Variants in HEATR9 observed in about 807,000 individuals in gnomAD.
HEATR9 encodes the protein protein HEATR9.
In HEATR9, 54 loss-of-function variants were observed where a neutral mutation model predicts 68.2. The ratio of observed to expected loss-of-function variants is 0.79; its 90% CI spans 0.64 to 0.99. The LOEUF (loss-of-function observed/expected upper bound fraction) is 0.99. HEATR9 is among the 50% of genes least tolerant of loss of function. The pLI is 0.00. For missense variants in HEATR9, 662 were observed against 679.7 expected (o/e 0.97, Z 0.29); for synonymous variants, 241 against 253.5 (o/e 0.95, Z 0.47).
At chr17:35,858,833 C>A in intron 9 of HEATR9, 55 bp downstream of exon 9, 1 of 1,583,354 alleles carries the variant, frequency 6.3e-7, no homozygotes, top group South Asian at 1.1e-5. Flanking sequence ...AGACCACACA[C>A]AATTCAGCAG....
chr17:35,862,753 G>A (rs567866310), intron 8 of HEATR9, among the ~76,000 whole-genome samples: 1 of 152,302 alleles, frequency 6.6e-6, no homozygotes, highest in South Asian at 2.1e-4. Flanking sequence ...GGAACCATCT[G>A]TACTGTCTCC....
intron 8 of HEATR9, chr17:35,861,017 G>C: frequency 1.5e-6 from 1 of 658,484 alleles, no homozygotes; most frequent in Non-Finnish European, 2.8e-6. Flanking sequence ...CTGCACTCCA[G>C]CTTGGGTGAC....
Position 35,858,303 on chromosome 17 carries a change from G to T in HEATR9, c.1049C>A (p.Thr350Asn). The change falls in exon 11 of 15, where the codon ACC becomes AAC. Residue 350 changes from threonine (T) to asparagine (N), a missense_variant. By Grantham distance (65) the Thr-to-Asn change is moderately conservative. Transcript: ENST00000604834. ...SSVLEDRFEA[T>N]QMLKTIGLEQ... ...CAGCCCAATGGTCTTGAGCATTTGG[G>T]TGGCTTCAAAGCGGTCCTGAGGTCG... The T allele has an allele frequency of 6.2e-7, 1 of 1,614,192 alleles. No homozygotes were observed. The highest frequency in any genetic ancestry group is 1.7e-5 in the Admixed American group (1 of 60,032).
chr17:35,856,058 T>TA, intron 13 of HEATR9, 115 bp downstream of exon 13: 2 of 1,202,860 alleles, frequency 1.7e-6, no homozygotes, highest in Non-Finnish European at 2.4e-6. Context: ...AATTCTAAAA[T>TA]AAACAACTTC....
chr17:35,862,694 T>C (rs1369689675), intron 8 of HEATR9, among the ~76,000 whole-genome samples: 1 of 152,194 alleles, frequency 6.6e-6, no homozygotes, highest in Non-Finnish European at 1.5e-5. Context: ...GTGTGTTGTT[T>C]TTGCACCATT....
At position 35,864,880 on chromosome 17, in the gene HEATR9, C is replaced by T. The variant is rs758888346; in HGVS notation, c.331G>A (p.Glu111Lys). ...ATTTTGATGTGGGTTTGATGTACCT[C>T]TTTGATGTACCTGTGTGAGAAATTG... Reference protein sequence around the residue: ...KMRDDCRYIKEVHQTHIKMFH... With the variant: ...KMRDDCRYIKKVHQTHIKMFH... Residue 111 changes from glutamate (E) to lysine (K), a missense_variant, in exon 4 of 15, where the codon GAG becomes AAG. Coordinates refer to ENST00000604834, the MANE Select transcript of HEATR9 (RefSeq NM_152781.4). 1 of 1,614,228 alleles carries T rather than the reference C, an allele frequency of 6.2e-7. No individual in the cohort carries two copies. Among genetic ancestry groups the T allele is most frequent in the African/African-American group, 1.3e-5 (1 of 75,050 alleles).
chr17:35,856,591 A>G, intron 12 of HEATR9, 141 bp downstream of exon 12: 1 of 796,504 alleles, frequency 1.3e-6, no homozygotes, highest in East Asian at 2.7e-5. Context: ...GGGCATGGGC[A>G]AGGGAGAACT....
intron 3 of HEATR9, 78 bp from the exon 4 acceptor site, chr17:35,864,968 G>C: frequency 2.6e-6 from 4 of 1,568,250 alleles, no homozygotes; most frequent in Middle Eastern, 1.7e-4. Flanking sequence ...TTCTGCCACA[G>C]GGCTACAGCC....
intron 1 of HEATR9, among the ~76,000 whole-genome samples, chr17:35,867,800 C>T (rs923304256): frequency 6.6e-6 from 1 of 152,092 alleles, no homozygotes; most frequent in African/African-American, 2.4e-5. Flanking sequence ...TTTATTGAGA[C>T]AGAGTCTTGC....
At position 35,858,456 on chromosome 17, in the gene HEATR9, G is replaced by C; in HGVS notation, c.1009C>G (p.Leu337Val). The C allele has an allele frequency of 6.2e-7, 1 of 1,614,188 alleles. No individual in the cohort carries two copies. The highest frequency in any genetic ancestry group is 8.5e-7 in the Non-Finnish European group (1 of 1,180,020). ...ACCTCAAGGACACTGGAAGAACACA[G>C]CTGGTCTAGGATGGCCTTGATGACT... ...APVIKAILDQ[L>V]CSSSVLEDRF... is the part of the protein sequence containing the mutation. Residue 337 changes from leucine to valine, a missense_variant, in exon 10 of 15, where the codon CTG (leucine) becomes GTG (valine). By Grantham distance (32) the Leu-to-Val change is conservative. Coordinates refer to ENST00000604834, the MANE Select transcript of HEATR9 (RefSeq NM_152781.4).
chr17:35,857,202 G>A (rs1598574908), intron 11 of HEATR9, among the ~76,000 whole-genome samples: 1 of 152,282 alleles, frequency 6.6e-6, no homozygotes, highest in East Asian at 1.9e-4. Flanking sequence ...GTTCAACTCA[G>A]AGAGGTGACC....
intron 8 of HEATR9, 102 bp downstream of exon 8, chr17:35,862,893 A>G: frequency 6.6e-7 from 1 of 1,518,366 alleles, no homozygotes; most frequent in Admixed American, 1.7e-5. Flanking sequence ...TTCCTCTATC[A>G]AAGCTGTGCT....
intron 3 of HEATR9, 130 bp downstream of exon 3, chr17:35,865,085 C>G: frequency 7.7e-7 from 1 of 1,305,212 alleles, no homozygotes. Flanking sequence ...CCAAGCCGAG[C>G]CGCCCTAAGC....
chr17:35,855,634 G>T (rs772518922), intron 14 of HEATR9, 30 bp downstream of exon 14: 1 of 1,596,570 alleles, frequency 6.3e-7, no homozygotes, highest in South Asian at 1.1e-5. Context: ...CTAGAGAAGA[G>T]GAAGAAGTGG....
At chr17:35,866,906 G>A (rs573001728) in intron 1 of HEATR9, 133 bp from the exon 2 acceptor site, 14 of 804,198 alleles carry the variant, frequency 1.7e-5, no homozygotes, top group Middle Eastern at 2.6e-4. Flanking sequence ...TCAGGAGTTC[G>A]AGACCAGCCT....
chr17:35,856,264 G>T, intron 12 of HEATR9, 40 bp from the exon 13 acceptor site: 1 of 1,613,992 alleles, frequency 6.2e-7, no homozygotes, highest in Non-Finnish European at 8.5e-7. Flanking sequence ...TTGAATTAAG[G>T]AGTAGGGGAA....
At chr17:35,856,496 C>A in intron 12 of HEATR9, 1 of 857,040 alleles carries the variant, frequency 1.2e-6, no homozygotes, top group Non-Finnish European at 1.8e-6. Context: ...AGCTTTATAG[C>A]AACCTATACC....
In HEATR9 at chr17:35,855,114, C is replaced by T. The variant is rs1201297083; in HGVS notation, c.1662G>A (p.Trp554Ter). The change falls in exon 15 of 15, where the codon TGG becomes TGA. Residue 554 changes from tryptophan (W) to a stop codon, truncating the protein, a stop_gained. Coordinates refer to ENST00000604834, the MANE Select transcript of HEATR9 (RefSeq NM_152781.4). LOFTEE classifies it low-confidence loss of function (END_TRUNC). ...RKHRPQVIGP[W>*]QPRIKKQLRV... ...GGAGCTGTTTCTTGATCCTTGGCTG[C>T]CAGGGCCCTATGACCTGTGGCCTAT... 6.2e-7 allele frequency: 1 copy of T among 1,614,132 alleles called. No homozygotes were observed. Among genetic ancestry groups the T allele is most frequent in the Non-Finnish European group, 8.5e-7 (1 of 1,180,014 alleles).
intron 8 of HEATR9, among the ~76,000 whole-genome samples, chr17:35,861,834 T>C (rs572918337): frequency 6.6e-6 from 1 of 152,044 alleles, no homozygotes; most frequent in South Asian, 2.1e-4. Flanking sequence ...CTGTCACCTC[T>C]AACATACTAC....
Sources: allele counts gnomAD v4.1 joint callset (sites outside exome capture counted in the v4.1 genomes callset), GRCh38; gene constraint gnomAD v4.1.1; transcripts MANE v1.5; gene names NCBI Gene and HGNC (gene_info 2026-07-23, HGNC 2026-07-21).